The following STAP1 variants were observed in gnomAD, a reference collection of about 807,000 sequenced individuals.
The protein encoded by STAP1 is signal transducing adaptor family member 1, also known as signal-transducing adaptor protein 1.
In STAP1, 30 loss-of-function variants were observed where a neutral mutation model predicts 37.8. That is an observed-to-expected ratio of 0.79 (90% CI 0.59 to 1.08). The LOEUF is 1.08. STAP1 is among the 50% of genes least tolerant of loss of function. The pLI is 0.00. For missense variants in STAP1, 357 were observed against 349.4 expected (o/e 1.02, Z -0.17); for synonymous variants, 130 against 116.0 (o/e 1.12, Z -0.78).
At chr4:67,567,605 G>A (rs1727500863) in intron 1 of STAP1, among the ~76,000 whole-genome samples, 1 of 152,126 alleles carries the variant, frequency 6.6e-6, no homozygotes, top group African/African-American at 2.4e-5. Context: ...TAATTTTCTA[G>A]CCTTTGAATC....
chr4:67,595,401 A>AT, intron 8 of STAP1, among the ~76,000 whole-genome samples: 1 of 134,346 alleles, frequency 7.4e-6, no homozygotes, highest in Middle Eastern at 3.9e-3. Flanking sequence ...AAAAAAAAAA[A>AT]TGCTGGGTAT....
rs780911458 is a variant in STAP1 at position 67,558,845 on chromosome 4, C to T, written c.36C>T (p.Arg12=). 1 of 1,613,414 alleles carries T rather than the reference C, an allele frequency of 6.2e-7. No homozygotes were observed. The highest frequency in any genetic ancestry group is 1.3e-5 in the African/African-American group (1 of 74,878). The stretch of plus-strand genomic sequence containing the variant: ...AGAAGCCCCCAAAACCAGCCCCTCG[C>T]AGGATCTTCCAGGAAAGGTTAAAGA... ...MAKKPPKPAP[R]RIFQERLKIT... The change falls in exon 1 of 9, where the codon CGC becomes CGT. Residue 12 remains arginine (R), a synonymous_variant. Coordinates refer to ENST00000265404, the MANE Select transcript of STAP1 (RefSeq NM_012108.4).
In STAP1 at chr4:67,575,403, A is replaced by G. The variant is rs769086037; in HGVS notation, c.211A>G (p.Ile71Val). The part of the protein sequence containing the change: ...KSIIYVDKLD[I>V]VDLTCLTEQN... ...TTTGCAGTATGTTGACAAATTAGAC[A>G]TAGTAGACCTCACATGCCTTACTGA... Residue 71 changes from isoleucine to valine, a missense_variant, in exon 3 of 9, where the codon ATA becomes GTA. Transcript: ENST00000265404. 3.1e-6 allele frequency: 5 copies of G among 1,593,544 alleles called. No homozygotes were observed. The highest frequency in any genetic ancestry group is 1.7e-4 in the Middle Eastern group (1 of 6,018).
At chr4:67,594,826 C>T (rs1341494202) in intron 8 of STAP1, among the ~76,000 whole-genome samples, 1 of 151,996 alleles carries the variant, frequency 6.6e-6, no homozygotes, top group East Asian at 1.9e-4. Context: ...ATGTTATTTG[C>T]CATTATATAT....
intron 7 of STAP1, among the ~76,000 whole-genome samples, chr4:67,592,302 C>A (rs907682779): frequency 6.6e-6 from 1 of 151,922 alleles, no homozygotes; most frequent in Non-Finnish European, 1.5e-5. Context: ...CTCAGGAATT[C>A]TTTTTCCTCT....
chr4:67,560,152 T>C (rs1184520319), intron 1 of STAP1, among the ~76,000 whole-genome samples: 2 of 152,210 alleles, frequency 1.3e-5, no homozygotes, highest in African/African-American at 4.8e-5. Flanking sequence ...TAACTGTTTA[T>C]GATAGCAGTT....
chr4:67,563,420 A>C (rs1727395745), intron 1 of STAP1, among the ~76,000 whole-genome samples: 1 of 152,142 alleles, frequency 6.6e-6, no homozygotes, highest in African/African-American at 2.4e-5. Context: ...CAAATGAGTG[A>C]GTAGGTGAGG....
At chr4:67,593,705 A>G (rs1381503882) in intron 8 of STAP1, among the ~76,000 whole-genome samples, 1 of 152,250 alleles carries the variant, frequency 6.6e-6, no homozygotes, top group Non-Finnish European at 1.5e-5. Context: ...TTAAAGGGAT[A>G]GTCTGTCAAC....
chr4:67,577,843 T>C (rs1424198739), intron 4 of STAP1, among the ~76,000 whole-genome samples: 1 of 152,134 alleles, frequency 6.6e-6, no homozygotes, highest in East Asian at 1.9e-4. Context: ...GAGATGAGGT[T>C]TCATCATGTT....
At chr4:67,599,582 T>G (rs1339792430) in intron 8 of STAP1, among the ~76,000 whole-genome samples, 3 of 152,050 alleles carry the variant, frequency 2.0e-5, no homozygotes, top group African/African-American at 7.2e-5. Context: ...ATAGTATATA[T>G]TTGAGCCTTC....
At chr4:67,587,719 CT>C (rs34808968) in intron 6 of STAP1, among the ~76,000 whole-genome samples, 12,070 of 127,696 alleles carry the variant, frequency 0.095, 776 homozygotes, top group East Asian at 0.29. Context: ...TTCTTTCTTT[CT>C]TTTTTTTTTT....
chr4:67,559,315 A>G (rs2109849974), intron 1 of STAP1, among the ~76,000 whole-genome samples: 1 of 152,262 alleles, frequency 6.6e-6, no homozygotes, highest in Non-Finnish European at 1.5e-5. Context: ...AGATAAAATG[A>G]TATCATGATT....
At chr4:67,575,949 AC>A (rs759471366) in intron 3 of STAP1, among the ~76,000 whole-genome samples, 1 of 151,774 alleles carries the variant, frequency 6.6e-6, no homozygotes, top group Non-Finnish European at 1.5e-5. Flanking sequence ...AGGAGATCGG[AC>A]CCCCATCCCC....
intron 8 of STAP1, among the ~76,000 whole-genome samples, chr4:67,596,041 T>C (rs1470529365): frequency 6.6e-6 from 1 of 152,154 alleles, no homozygotes; most frequent in Non-Finnish European, 1.5e-5. Context: ...TTGAATTCCA[T>C]TGTTCATTGG....
At chr4:67,585,515 T>A (rs1039320036) in intron 6 of STAP1, among the ~76,000 whole-genome samples, 9 of 152,210 alleles carry the variant, frequency 5.9e-5, no homozygotes, top group African/African-American at 1.4e-4. Flanking sequence ...GTAAATCAGG[T>A]CATGGTTCTT....
At chr4:67,599,482 A>AATTT (rs1728293660) in intron 8 of STAP1, among the ~76,000 whole-genome samples, 1 of 152,016 alleles carries the variant, frequency 6.6e-6, no homozygotes, top group African/African-American at 2.4e-5. Flanking sequence ...TCAATTTTCC[A>AATTT]ATTTATTGGC....
At chr4:67,584,057 C>T (rs1179151061) in intron 6 of STAP1, among the ~76,000 whole-genome samples, 2 of 144,812 alleles carry the variant, frequency 1.4e-5, no homozygotes, top group East Asian at 4.1e-4. Flanking sequence ...GAGATCACAC[C>T]ACTGCACTCC....
chr4:67,559,835 A>G (rs2109850278), intron 1 of STAP1, among the ~76,000 whole-genome samples: 1 of 152,282 alleles, frequency 6.6e-6, no homozygotes, highest in South Asian at 2.1e-4. Context: ...GAAAAATTAT[A>G]TATATGAAAA....
intron 1 of STAP1, among the ~76,000 whole-genome samples, chr4:67,566,606 A>G (rs1235850650): frequency 6.6e-6 from 1 of 152,146 alleles, no homozygotes; most frequent in African/African-American, 2.4e-5. Context: ...CCTCCCAAAC[A>G]CACCTATTAG....
Sources: gnomAD v4.1 joint callset for allele counts (sites outside exome capture counted in the v4.1 genomes callset) on GRCh38, gnomAD v4.1.1 for gene constraint, MANE v1.5 for transcripts, NCBI Gene and HGNC (gene_info 2026-07-23, HGNC 2026-07-21) for gene names.